ROBO2: variants seen among roughly 807,000 people sequenced by gnomAD.
ROBO2 encodes roundabout homolog 2.
ROBO2 carries 53 observed loss-of-function variants against 160.8 expected under a neutral mutation model. The ratio of observed to expected loss-of-function variants is 0.33; its 90% confidence interval spans 0.26 to 0.41. ROBO2 has a LOEUF of 0.41. Among genes scored for constraint, ROBO2 ranks in the 10% least tolerant of loss-of-function variants. The pLI is 1.00. For missense variants in ROBO2, 1,577 were observed against 1,722.4 expected, an observed-to-expected ratio of 0.92 and a Z score of 1.49; for synonymous variants, 664 against 611.7, an observed-to-expected ratio of 1.09 and a Z score of -1.26.
chr3:77,018,003 T>A (rs1194852340), intron 2 of ROBO2, among the ~76,000 whole-genome samples: 2 of 152,184 alleles, frequency 1.3e-5, no homozygotes, highest in African/African-American at 4.8e-5. Flanking sequence ...GGAAAGCCTA[T>A]CCCAAATCTC....
At chr3:77,611,114 C>T (rs977918556) in intron 21 of ROBO2, among the ~76,000 whole-genome samples, 12 of 151,692 alleles carry the variant, frequency 7.9e-5, no homozygotes, top group Non-Finnish European at 2.9e-5. Flanking sequence ...CTGGCTAACA[C>T]GGTGAAACCC....
intron 6 of ROBO2, among the ~76,000 whole-genome samples, chr3:77,542,456 T>C (rs775768): frequency 0.5 from 76,111 of 152,046 alleles, 19,500 homozygotes; most frequent in African/African-American, 0.59. Context: ...CTGGTGACAA[T>C]AGTCTATTGA....
At chr3:77,501,667 C>T (rs1367819687) in intron 5 of ROBO2, among the ~76,000 whole-genome samples, 2 of 151,816 alleles carry the variant, frequency 1.3e-5, no homozygotes, top group East Asian at 3.9e-4. Flanking sequence ...ATGTCAATCT[C>T]TCGAAACAAT....
chr3:76,684,952 A>T (rs2092651786), intron 2 of ROBO2, among the ~76,000 whole-genome samples: 1 of 150,654 alleles, frequency 6.6e-6, no homozygotes. Flanking sequence ...AGCATATGAA[A>T]TAAATTGTAA....
chr3:76,497,413 C>G (rs150553230), intron 2 of ROBO2, among the ~76,000 whole-genome samples: 2 of 152,216 alleles, frequency 1.3e-5, no homozygotes, highest in East Asian at 3.9e-4. Context: ...CCAGGCTGGT[C>G]TCAAGCTCCT....
intron 21 of ROBO2, 69 bp from the exon 23 acceptor site, chr3:77,617,444 G>A (rs920757530): frequency 8.9e-6 from 14 of 1,565,536 alleles, no homozygotes; most frequent in Admixed American, 1.7e-5. Flanking sequence ...CTTATTGCCA[G>A]TATAATTGTG....
intron 2 of ROBO2, among the ~76,000 whole-genome samples, chr3:76,166,316 A>C (rs1449704756): frequency 6.6e-6 from 1 of 152,180 alleles, no homozygotes; most frequent in Non-Finnish European, 1.5e-5. Flanking sequence ...GGACAGGGAT[A>C]ATCCCATTAC....
At chr3:77,610,712 A>G (rs1192797391) in intron 21 of ROBO2, among the ~76,000 whole-genome samples, 1 of 147,002 alleles carries the variant, frequency 6.8e-6, no homozygotes, top group Non-Finnish European at 1.5e-5. Flanking sequence ...TTTCTGTGCA[A>G]ATGGAGACAA....
chr3:75,975,534 A>G (rs1490349415), intron 2 of ROBO2, among the ~76,000 whole-genome samples: 1 of 151,428 alleles, frequency 6.6e-6, no homozygotes, highest in Non-Finnish European at 1.5e-5. Context: ...GCATTTCTCA[A>G]GTTTTCAGAC....
At chr3:76,070,448 G>A (rs66752144) in intron 2 of ROBO2, among the ~76,000 whole-genome samples, 21,374 of 151,948 alleles carry the variant, frequency 0.14, 2,078 homozygotes, top group East Asian at 0.44. Flanking sequence ...AATAATTTTG[G>A]TCATACCGGT....
intron 2 of ROBO2, among the ~76,000 whole-genome samples, chr3:76,105,786 G>T (rs1271188807): frequency 6.6e-6 from 1 of 151,912 alleles, no homozygotes; most frequent in Non-Finnish European, 1.5e-5. Context: ...CTCTGTGAGG[G>T]CAGCTGAGTC....
At chr3:76,966,332 G>A (rs72902007) in intron 2 of ROBO2, among the ~76,000 whole-genome samples, 4,972 of 152,198 alleles carry the variant, frequency 0.033, 259 homozygotes, top group African/African-American at 0.11. Flanking sequence ...CATATTCCAG[G>A]CACTGTGCTC....
intron 2 of ROBO2, among the ~76,000 whole-genome samples, chr3:77,244,793 G>C (rs35725659): frequency 6.7e-6 from 1 of 150,288 alleles, no homozygotes; most frequent in Non-Finnish European, 1.5e-5. Flanking sequence ...CAGGGGAATC[G>C]CTTGAACCTG....
chr3:76,250,526 A>G (rs1412334376), intron 2 of ROBO2, among the ~76,000 whole-genome samples: 1 of 152,044 alleles, frequency 6.6e-6, no homozygotes, highest in African/African-American at 2.4e-5. Context: ...GGGTTGCCAT[A>G]TCTTTATAAT....
At chr3:76,186,946 C>T (rs780707332) in intron 2 of ROBO2, among the ~76,000 whole-genome samples, 20 of 149,180 alleles carry the variant, frequency 1.3e-4, no homozygotes, top group Non-Finnish European at 1.9e-4. Flanking sequence ...CTGAAACATC[C>T]TCCTGTCTCA....
At chr3:76,827,170 A>G (rs2066665322) in intron 2 of ROBO2, among the ~76,000 whole-genome samples, 1 of 152,294 alleles carries the variant, frequency 6.6e-6, no homozygotes, top group African/African-American at 2.4e-5. Context: ...CAGCACCATT[A>G]AATCCTGAGG....
chr3:77,327,870 G>T (rs905492218), intron 2 of ROBO2, among the ~76,000 whole-genome samples: 7 of 151,812 alleles, frequency 4.6e-5, no homozygotes, highest in Non-Finnish European at 8.8e-5. Flanking sequence ...GACAACAATG[G>T]CGAAACCCCG....
At chr3:77,329,870 T>G (rs1256709459) in intron 2 of ROBO2, among the ~76,000 whole-genome samples, 1 of 152,208 alleles carries the variant, frequency 6.6e-6, no homozygotes, top group African/African-American at 2.4e-5. Flanking sequence ...TACCTATGTA[T>G]GCTTACTGTA....
chr3:76,041,826 GAC>G lies in ROBO2; in HGVS notation c.109+104225_109+104226del, dbSNP rs2067283536. On this transcript the variant is annotated intron_variant, in intron 2 of 26. Coordinates refer to the ROBO2 transcript ENST00000487694. The stretch of plus-strand genomic sequence containing the variant: ...TACATTTTTGGCTTTTGGAAATAAA[GAC>G]GGCTATGATTTTGTCTGTAATGGCG... Among the ~76,000 whole-genome samples, 5 of 151,954 alleles carry G rather than the reference GAC, an allele frequency of 3.3e-5. No homozygotes were observed. The South Asian group carries it at 1.0e-3, about 32-fold the overall frequency.
Sources: allele counts gnomAD v4.1 joint callset (sites outside exome capture counted in the v4.1 genomes callset), GRCh38; gene constraint gnomAD v4.1.1; transcripts MANE v1.5; gene names NCBI Gene and HGNC (gene_info 2026-07-23, HGNC 2026-07-21).